Variants in MRPL18 observed in about 807,000 individuals in gnomAD.
The protein encoded by MRPL18 is large ribosomal subunit protein uL18m.
A neutral mutation model predicts 20.9 loss-of-function variants in MRPL18; 16 were observed. The observed-to-expected ratio is 0.76, with a 90% CI of 0.52 to 1.16. MRPL18 has a LOEUF of 1.16. MRPL18 is among the 50% of genes most tolerant of loss of function. The probability of loss-of-function intolerance (pLI) is 0.00; values close to 1 mark genes in which losing one functional copy is unlikely to be tolerated. For missense variants in MRPL18, 233 were observed against 230.6 expected (o/e 1.01, Z -0.07); for synonymous variants, 91 against 87.1 (o/e 1.04, Z -0.25).
intron 2 of MRPL18, among the ~76,000 whole-genome samples, chr6:159,795,400 C>T (rs1365408883): frequency 3.3e-5 from 5 of 152,248 alleles, no homozygotes; most frequent in Non-Finnish European, 7.3e-5. Flanking sequence ...TCCCTGCGGC[C>T]TTCCGCAGTG....
At chr6:159,795,459 G>A (rs1781008419) in intron 2 of MRPL18, among the ~76,000 whole-genome samples, 1 of 92,882 alleles carries the variant, frequency 1.1e-5, no homozygotes, top group Admixed American at 1.1e-4. Flanking sequence ...GACTCTTAAC[G>A]AGCATGCTGC....
intron 2 of MRPL18, 57 bp from the exon 3 acceptor site, chr6:159,797,230 A>C (rs369698228): frequency 1.1e-5 from 16 of 1,465,732 alleles, no homozygotes; most frequent in South Asian, 1.0e-4. Context: ...ACCTCAATTA[A>C]TGTAACTTTA....
intron 2 of MRPL18, among the ~76,000 whole-genome samples, chr6:159,796,471 C>T (rs555860525): frequency 1.3e-5 from 2 of 149,708 alleles, no homozygotes; most frequent in South Asian, 2.1e-4. Flanking sequence ...CAGAGGCAGA[C>T]CCTGTCTCAA....
rs753602112 is a variant in MRPL18 at position 159,792,604 on chromosome 6, TA to T, written c.239+1483del. On this transcript the variant is annotated intron_variant, in intron 2 of 3. Coordinates refer to ENST00000367034, the MANE Select transcript of MRPL18 (RefSeq NM_014161.5). ...TTTTAAATAATCTGGATCTTAAGGC[TA>T]AAAATCTTTTGAAACACCCAACCTA... Among the ~76,000 whole-genome samples, 3 of 152,204 alleles carry T rather than the reference TA, an allele frequency of 2.0e-5. No individual in the cohort carries two copies. In the East Asian group the frequency reaches 5.8e-4, roughly 29 times the overall value.
At chr6:159,792,843 A>G (rs1281191651) in intron 2 of MRPL18, among the ~76,000 whole-genome samples, 1 of 152,128 alleles carries the variant, frequency 6.6e-6, no homozygotes, top group East Asian at 1.9e-4. Context: ...TGGCTCTATC[A>G]CCCAGGCTGG....
chr6:159,796,176 T>C (rs1449060899), intron 2 of MRPL18, among the ~76,000 whole-genome samples: 1 of 150,656 alleles, frequency 6.6e-6, no homozygotes, highest in African/African-American at 2.4e-5. Context: ...TTGTCCATCA[T>C]TTCTTTTTTA....
At chr6:159,791,736 C>T (rs62439372) in intron 2 of MRPL18, among the ~76,000 whole-genome samples, 2 of 152,114 alleles carry the variant, frequency 1.3e-5, no homozygotes, top group South Asian at 2.1e-4. Context: ...GAAACCCCGT[C>T]TCTACTAAAA....
At chr6:159,791,218 A>G (rs936728063) in intron 2 of MRPL18, 92 bp downstream of exon 2, 11 of 1,483,628 alleles carry the variant, frequency 7.4e-6, no homozygotes, top group Non-Finnish European at 8.2e-6. Context: ...GGTAGCTGCC[A>G]TGCGGCGGGT....
chr6:159,790,503 C>G lies in MRPL18; in HGVS notation c.-85C>G. The G allele has an allele frequency of 3.1e-6, 5 of 1,589,566 alleles. No individual in the cohort carries two copies. The highest frequency in any genetic ancestry group is 1.1e-5 in the South Asian group (1 of 90,394). On this transcript the variant is annotated 5_prime_UTR_variant, in exon 1 of 4. Coordinates refer to ENST00000367034, the MANE Select transcript of MRPL18 (RefSeq NM_014161.5). The stretch of plus-strand genomic sequence containing the variant: ...GATCTACAGCAGCCAAAGGCTTGTC[C>G]CTGACTTTATATGGCTGCTCCTGGC...
chr6:159,795,280 ACG>A (rs1491094699), intron 2 of MRPL18, among the ~76,000 whole-genome samples: 1 of 152,134 alleles, frequency 6.6e-6, no homozygotes, highest in Non-Finnish European at 1.5e-5. Context: ...CAGACCCTTT[ACG>A]GGTGTCAGGC....
upstream of MRPL18, chr6:159,790,183 C>T (rs6929510): frequency 7.3e-6 from 2 of 272,500 alleles, no homozygotes; most frequent in South Asian, 5.5e-5. Context: ...CTTGCCCTGC[C>T]TTATTCCTAC....
chr6:159,790,519 T>C lies in MRPL18; in HGVS notation c.-69T>C. The C allele has an allele frequency of 6.2e-7, 1 of 1,607,372 alleles. No homozygotes were observed. Among genetic ancestry groups the C allele is most frequent in the East Asian group, 2.2e-5 (1 of 44,842 alleles). On this transcript the variant is annotated 5_prime_UTR_variant, in exon 1 of 4. Coordinates refer to ENST00000367034, the MANE Select transcript of MRPL18 (RefSeq NM_014161.5). ...AGGCTTGTCCCTGACTTTATATGGC[T>C]GCTCCTGGCGAGCGACTGAGTCGTC...
chr6:159,796,128 CT>C (rs371374052), intron 2 of MRPL18, among the ~76,000 whole-genome samples: 1,498 of 116,300 alleles, frequency 0.013, 28 homozygotes, highest in African/African-American at 0.045. Context: ...CTTCATTTTA[CT>C]TTTTTTTTTT....
intron 2 of MRPL18, among the ~76,000 whole-genome samples, chr6:159,793,922 AAAG>A (rs1184743109): frequency 6.6e-6 from 1 of 152,120 alleles, no homozygotes; most frequent in Non-Finnish European, 1.5e-5. Context: ...AAAAAAAAAA[AAAG>A]AGATTGTGAT....
At chr6:159,796,591 C>T (rs561815702) in intron 2 of MRPL18, among the ~76,000 whole-genome samples, 62 of 151,860 alleles carry the variant, frequency 4.1e-4, no homozygotes, top group Middle Eastern at 3.4e-3. Context: ...AGTTTGACAC[C>T]AGCCTTGGCA....
chr6:159,796,121 C>G (rs1781022744), intron 2 of MRPL18, among the ~76,000 whole-genome samples: 1 of 128,248 alleles, frequency 7.8e-6, no homozygotes, highest in Non-Finnish European at 1.6e-5. Flanking sequence ...CTTTTGACTT[C>G]ATTTTACTTT....
intron 3 of MRPL18, 90 bp downstream of exon 3, chr6:159,797,608 C>G: frequency 1.6e-6 from 2 of 1,217,180 alleles, no homozygotes; most frequent in South Asian, 2.7e-5. Flanking sequence ...TTTTACTTAC[C>G]AAATACTTTC....
chr6:159,790,415 G>T, upstream of MRPL18: 1 of 752,564 alleles, frequency 1.3e-6, no homozygotes, highest in African/African-American at 1.8e-5. Flanking sequence ...CGCCTTCTCG[G>T]CCACTCAGTG....
rs193296224 is a variant in MRPL18, at chr6:159,793,631, C to T, written c.239+2505C>T. On this transcript the variant is annotated intron_variant, in intron 2 of 3. Coordinates refer to ENST00000367034, the MANE Select transcript of MRPL18 (RefSeq NM_014161.5). ...GGTTTAACAGATTGTGATTTTTGGC[C>T]GGGCGCGGTGGCTCACGTTTGTAAT... 2.1e-4 allele frequency among the ~76,000 whole-genome samples: 32 copies of T among 152,158 alleles called. No individual in the cohort carries two copies. The East Asian group carries it at 5.4e-3, about 26-fold the overall frequency.
Sources: gnomAD v4.1 joint callset for allele counts (sites outside exome capture counted in the v4.1 genomes callset) on GRCh38, gnomAD v4.1.1 for gene constraint, MANE v1.5 for transcripts, NCBI Gene and HGNC (gene_info 2026-07-23, HGNC 2026-07-21) for gene names.